The following EHMT1 variants were observed in gnomAD, a reference collection of about 807,000 sequenced individuals.
The protein encoded by EHMT1 is euchromatic histone lysine methyltransferase 1.
A neutral mutation model predicts 147.2 loss-of-function variants in EHMT1; 15 were observed. The ratio of observed to expected loss-of-function variants is 0.10; its 90% CI spans 0.07 to 0.16. The LOEUF (loss-of-function observed/expected upper bound fraction) is 0.16, where lower values mean the gene tolerates loss of function less well. Ranked by LOEUF, EHMT1 falls within the 10% of genes least tolerant of loss-of-function variation. EHMT1 has a pLI of 1.00. For missense variants in EHMT1, 1,587 were observed against 1,772.4 expected (o/e 0.90, Z 1.88); for synonymous variants, 795 against 709.6 (o/e 1.12, Z -1.91).
chr9:137,667,718 T>C (rs1939832369), intron 1 of EHMT1, among the ~76,000 whole-genome samples: 1 of 152,168 alleles, frequency 6.6e-6, no homozygotes, highest in African/African-American at 2.4e-5. Flanking sequence ...AGTAGAAGTT[T>C]TGGTGTGTTT....
Position 137,834,391 on chromosome 9 carries a change from G to A in EHMT1, c.3583G>A (p.Val1195Ile), listed in dbSNP as rs779218347. The stretch of plus-strand genomic sequence containing the variant: ...CATCGACGCGCGGTTCTACGGGAAC[G>A]TCAGCCGGTTCATCAACCACCACTG... ...YCIDARFYGN[V>I]SRFINHHCEP... Residue 1195 changes from valine to isoleucine, a missense_variant, in exon 26 of 27, where the codon GTC becomes ATC. Coordinates refer to ENST00000460843, the MANE Select transcript of EHMT1 (RefSeq NM_024757.5). The A allele has an allele frequency of 5.0e-6, 8 of 1,613,158 alleles. No homozygotes were observed. In the East Asian group the frequency reaches 1.1e-4, roughly 22 times the overall value.
At chr9:137,817,615 G>A in intron 24 of EHMT1, 90 bp downstream of exon 24, 3 of 1,534,524 alleles carry the variant, frequency 2.0e-6, no homozygotes, top group Non-Finnish European at 2.7e-6. Flanking sequence ...CCCTCTGGGA[G>A]CAGGCACATC....
At chr9:137,698,053 G>A (rs573220160) in intron 1 of EHMT1, among the ~76,000 whole-genome samples, 1 of 152,162 alleles carries the variant, frequency 6.6e-6, no homozygotes, top group South Asian at 2.1e-4. Context: ...AGGGCAGCGT[G>A]TGAGGGCGGC....
intron 10 of EHMT1, among the ~76,000 whole-genome samples, chr9:137,772,690 C>T (rs192506478): frequency 1.4e-3 from 211 of 152,326 alleles, no homozygotes; most frequent in African/African-American, 4.8e-3. Flanking sequence ...CAGCACCTCC[C>T]TGTGGTGGGC....
intron 1 of EHMT1, among the ~76,000 whole-genome samples, chr9:137,625,903 T>C (rs1843222610): frequency 6.6e-6 from 1 of 151,710 alleles, no homozygotes; most frequent in Admixed American, 6.6e-5. Context: ...TTGCCCAGGC[T>C]GGAGTGCAGT....
chr9:137,719,563 A>G (rs1054035632), intron 3 of EHMT1, among the ~76,000 whole-genome samples: 10 of 152,198 alleles, frequency 6.6e-5, no homozygotes, highest in African/African-American at 2.4e-4. Context: ...TCTTCTGTAC[A>G]TGGCAAAGCT....
Position 137,775,378 on chromosome 9 carries a change from G to A in EHMT1, c.1791+126G>A, listed in dbSNP as rs1256420453. 2.3e-5 allele frequency: 32 copies of A among 1,379,156 alleles called. No homozygotes were observed. Among genetic ancestry groups the A allele is most frequent in the East Asian group, 1.0e-4 (4 of 39,924 alleles). The allele number at this position is 1,379,156 out of a possible 1,614,324, so 85.4% of individuals were successfully genotyped here. A position where few individuals can be genotyped will look rare whatever the true frequency, so the allele number is the denominator to read the frequency against. ...AGCAGCTGGCCCAGGTCTGGTGTCC[G>A]TCTGGAGGTCTCCAGTGTTCACAAG... On this transcript the variant is annotated intron_variant, in intron 11 of 26. Transcript: ENST00000460843. The surrounding 1 kb of genome is among the most constrained non-coding windows in gnomAD (Gnocchi z 6.1).
intron 1 of EHMT1, among the ~76,000 whole-genome samples, chr9:137,656,637 C>T (rs1938479881): frequency 6.6e-6 from 1 of 152,018 alleles, no homozygotes; most frequent in East Asian, 1.9e-4. Flanking sequence ...GTCCAGGGGA[C>T]ATGTGTACAC....
At position 137,797,279 on chromosome 9, in the gene EHMT1, T is replaced by C. The variant is rs532218317; in HGVS notation, c.2506-1534T>C. Among the ~76,000 whole-genome samples, 6 of 152,270 alleles carry C rather than the reference T, an allele frequency of 3.9e-5. No individual in the cohort carries two copies. In the East Asian group the frequency reaches 9.6e-4, roughly 24 times the overall value. On this transcript the variant is annotated intron_variant, in intron 16 of 26. Coordinates refer to ENST00000460843, the MANE Select transcript of EHMT1 (RefSeq NM_024757.5). ...TTTCCTTACCTGCAGCCCCGCTCTT[T>C]GCCACCTTCACGTCTATTCCCACGG...
chr9:137,808,443 T>C (rs551340030), intron 18 of EHMT1, among the ~76,000 whole-genome samples: 1 of 152,274 alleles, frequency 6.6e-6, no homozygotes, highest in African/African-American at 2.4e-5. Flanking sequence ...TTGACAACCA[T>C]GGTCATAGGT....
chr9:137,695,174 C>G (rs776760563), intron 1 of EHMT1, among the ~76,000 whole-genome samples: 1 of 152,246 alleles, frequency 6.6e-6, no homozygotes, highest in Admixed American at 6.5e-5. Context: ...TGCCTCCCCT[C>G]GGCACGTGTT....
chr9:137,683,631 G>A (rs1205540009), intron 1 of EHMT1, among the ~76,000 whole-genome samples: 3 of 152,282 alleles, frequency 2.0e-5, no homozygotes, highest in African/African-American at 4.8e-5. Context: ...AAAAGTGGTC[G>A]TCTAACAGTA....
intron 10 of EHMT1, among the ~76,000 whole-genome samples, chr9:137,765,974 A>G (rs1455349369): frequency 6.6e-6 from 1 of 152,052 alleles, no homozygotes; most frequent in Non-Finnish European, 1.5e-5. Flanking sequence ...GTTTCTTGCA[A>G]AACCTGCCAA....
chr9:137,769,209 A>C (rs1950440564), intron 10 of EHMT1, among the ~76,000 whole-genome samples: 2 of 152,076 alleles, frequency 1.3e-5, no homozygotes, highest in Non-Finnish European at 2.9e-5. Flanking sequence ...TCTGCGTTTT[A>C]ATTTTATATA....
At chr9:137,619,752 G>T (rs903068027) in intron 1 of EHMT1, among the ~76,000 whole-genome samples, 6 of 152,000 alleles carry the variant, frequency 3.9e-5, no homozygotes, top group Non-Finnish European at 8.8e-5. Flanking sequence ...GGCCTTCCCC[G>T]TGCTCATTCT....
chr9:137,794,196 T>C (rs1294220745), intron 16 of EHMT1, among the ~76,000 whole-genome samples: 1 of 152,256 alleles, frequency 6.6e-6, no homozygotes, highest in Admixed American at 6.5e-5. Flanking sequence ...ATTTATGATA[T>C]AATTTTACCA....
intron 1 of EHMT1, among the ~76,000 whole-genome samples, chr9:137,684,730 C>T (rs1306597329): frequency 2.6e-5 from 4 of 151,960 alleles, no homozygotes; most frequent in African/African-American, 7.3e-5. Flanking sequence ...TGAGCTCAGG[C>T]GATCTCCACC....
intron 1 of EHMT1, among the ~76,000 whole-genome samples, chr9:137,669,380 C>T (rs1589183734): frequency 6.7e-6 from 1 of 150,036 alleles, no homozygotes; most frequent in Non-Finnish European, 1.5e-5. Flanking sequence ...GTGCACTGGA[C>T]TCCACCCAAG....
intron 1 of EHMT1, among the ~76,000 whole-genome samples, chr9:137,642,026 G>A (rs905707796): frequency 1.3e-5 from 2 of 151,878 alleles, no homozygotes; most frequent in African/African-American, 4.8e-5. Flanking sequence ...TTTTAGTAGA[G>A]ACGGAGTTTC....
Sources: allele counts gnomAD v4.1 joint callset (sites outside exome capture counted in the v4.1 genomes callset), GRCh38; gene constraint gnomAD v4.1.1; non-coding constraint Gnocchi (gnomAD v3.1); transcripts MANE v1.5; gene names NCBI Gene and HGNC (gene_info 2026-07-23, HGNC 2026-07-21).